The following NCOA7 variants were observed in gnomAD, a reference collection of about 807,000 sequenced individuals.
NCOA7 encodes nuclear receptor coactivator 7.
NCOA7 carries 45 observed loss-of-function variants against 104.3 expected under a neutral mutation model. The ratio of observed to expected loss-of-function variants is 0.43; its 90% CI spans 0.34 to 0.55. The LOEUF is 0.55. Ranked by LOEUF, NCOA7 falls within the 20% of genes least tolerant of loss-of-function variation. NCOA7 has a pLI of 0.02. For synonymous variants in NCOA7, 398 were observed against 402.3 expected, an observed-to-expected ratio of 0.99 and a Z score of 0.13; for missense variants, 1,041 against 1,119.7, an observed-to-expected ratio of 0.93 and a Z score of 1.00.
At chr6:125,829,154 G>A (rs1445266015) in intron 2 of NCOA7, among the ~76,000 whole-genome samples, 1 of 151,754 alleles carries the variant, frequency 6.6e-6, no homozygotes, top group Non-Finnish European at 1.5e-5. Context: ...TTAAAGTTTA[G>A]ACATTTTTCC....
chr6:125,782,933 G>A (rs1209462330), intron 1 of NCOA7, among the ~76,000 whole-genome samples: 1 of 152,152 alleles, frequency 6.6e-6, no homozygotes, highest in East Asian at 1.9e-4. Flanking sequence ...GTCATCACAA[G>A]CGTTCTTATG....
chr6:125,917,294 A>G (rs747106339), intron 11 of NCOA7, among the ~76,000 whole-genome samples: 7 of 152,112 alleles, frequency 4.6e-5, no homozygotes, highest in Non-Finnish European at 8.8e-5. Flanking sequence ...TCGTGGCATC[A>G]GGGCTCTTCT....
intron 2 of NCOA7, among the ~76,000 whole-genome samples, chr6:125,825,982 A>G (rs1778624628): frequency 6.6e-6 from 1 of 152,222 alleles, no homozygotes; most frequent in Non-Finnish European, 1.5e-5. Flanking sequence ...AAATATAAAA[A>G]TTAGTTGTAA....
intron 2 of NCOA7, among the ~76,000 whole-genome samples, chr6:125,851,312 A>G (rs1781109956): frequency 6.6e-6 from 1 of 152,172 alleles, no homozygotes; most frequent in African/African-American, 2.4e-5. Flanking sequence ...TTGCATCCTC[A>G]TAGCTTAGCT....
chr6:125,930,779 A>G lies in NCOA7; in HGVS notation c.*2008A>G, dbSNP rs1788421745. On this transcript the variant is annotated 3_prime_UTR_variant, in exon 16 of 16. Coordinates refer to ENST00000392477, the MANE Select transcript of NCOA7 (RefSeq NM_181782.5). ...ACTGAGGACTCTTGACTAACAGCAT[A>G]CTGGCAGTTTCACCTTAACCTGCTC... is the stretch of plus-strand genomic sequence containing the variant. 1 of 152,310 alleles carries G rather than the reference A, an allele frequency of 6.6e-6. No individual in the cohort carries two copies. The highest frequency in any genetic ancestry group is 6.5e-5 in the Admixed American group (1 of 15,280). 9.4% of individuals were successfully genotyped at this position (152,310 alleles called of 1,614,324 possible).
At chr6:125,860,977 A>G (rs914629286) in intron 3 of NCOA7, among the ~76,000 whole-genome samples, 4 of 152,244 alleles carry the variant, frequency 2.6e-5, no homozygotes, top group African/African-American at 9.6e-5. Context: ...TATAACAAAC[A>G]TAAAAGACTT....
chr6:125,910,097 G>A (rs1200455431), intron 10 of NCOA7, among the ~76,000 whole-genome samples: 3 of 152,178 alleles, frequency 2.0e-5, no homozygotes, highest in African/African-American at 7.2e-5. Flanking sequence ...TGATTACAAA[G>A]TTGTCTTGTT....
At position 125,900,005 on chromosome 6, in the gene NCOA7, GCA is replaced by G. The variant is rs761749327; in HGVS notation, c.2096+9200_2096+9201del. On this transcript the variant is annotated intron_variant, in intron 10 of 15. Coordinates refer to ENST00000392477, the MANE Select transcript of NCOA7 (RefSeq NM_181782.5). The stretch of plus-strand genomic sequence containing the variant: ...AGACTAATCCCTGCCAATGGGTGCT[GCA>G]CACAGTGTTTGGGAGTAAGTATGCA... 4 of 533,178 alleles carry G rather than the reference GCA, an allele frequency of 7.5e-6. No homozygotes were observed. The East Asian group carries it at 2.2e-4, about 29-fold the overall frequency. 33.0% of individuals were successfully genotyped at this position (533,178 alleles called of 1,614,324 possible).
intron 3 of NCOA7, among the ~76,000 whole-genome samples, chr6:125,867,185 G>T (rs1782506131): frequency 6.6e-6 from 1 of 152,184 alleles, no homozygotes; most frequent in Non-Finnish European, 1.5e-5. Flanking sequence ...TAAAAATTAT[G>T]ATATCTGGCC....
At chr6:125,803,553 A>C (rs1412809359) in intron 1 of NCOA7, among the ~76,000 whole-genome samples, 3 of 152,238 alleles carry the variant, frequency 2.0e-5, no homozygotes, top group Non-Finnish European at 4.4e-5. Context: ...ATATGCTGAA[A>C]GCACATTAAA....
chr6:125,860,540 G>T (rs1781957575), intron 3 of NCOA7, among the ~76,000 whole-genome samples: 1 of 152,146 alleles, frequency 6.6e-6, no homozygotes, highest in Non-Finnish European at 1.5e-5. Context: ...TAGAGACGGG[G>T]TTTCACCACG....
intron 8 of NCOA7, among the ~76,000 whole-genome samples, chr6:125,885,814 G>T (rs746519940): frequency 6.6e-6 from 1 of 152,198 alleles, no homozygotes; most frequent in Non-Finnish European, 1.5e-5. Flanking sequence ...TGGGTCTACA[G>T]TGTAGTGGTA....
intron 2 of NCOA7, among the ~76,000 whole-genome samples, chr6:125,837,772 G>A (rs181770768): frequency 1.3e-5 from 2 of 152,298 alleles, no homozygotes. Flanking sequence ...TCATCCATAT[G>A]CTATTATATT....
chr6:125,818,506 AAC>A (rs1160686473), intron 2 of NCOA7, among the ~76,000 whole-genome samples: 1 of 152,212 alleles, frequency 6.6e-6, no homozygotes, highest in Non-Finnish European at 1.5e-5. Flanking sequence ...ACAGTAAGAC[AAC>A]ATGATTTGTA....
At chr6:125,909,384 G>A (rs2128681536) in intron 10 of NCOA7, among the ~76,000 whole-genome samples, 1 of 152,312 alleles carries the variant, frequency 6.6e-6, no homozygotes, top group Middle Eastern at 3.4e-3. Context: ...CACACAGTGG[G>A]TGCCCAGGAA....
At chr6:125,837,847 G>A (rs1219551842) in intron 2 of NCOA7, among the ~76,000 whole-genome samples, 7 of 152,164 alleles carry the variant, frequency 4.6e-5, no homozygotes. Context: ...GTCCAGACCA[G>A]GGAACATATA....
At chr6:125,837,911 T>G (rs1055710483) in intron 2 of NCOA7, among the ~76,000 whole-genome samples, 5 of 152,238 alleles carry the variant, frequency 3.3e-5, no homozygotes, top group African/African-American at 1.2e-4. Context: ...GTTGTATGAC[T>G]GATGCAGAAC....
At chr6:125,899,890 G>T (rs1785345902) in intron 10 of NCOA7, 3 of 483,318 alleles carry the variant, frequency 6.2e-6, no homozygotes, top group South Asian at 3.0e-5. Flanking sequence ...AATCTTCTTT[G>T]TAAGTGAGCT....
At position 125,922,929 on chromosome 6, in the gene NCOA7, A is replaced by T. The variant is rs1787715069; in HGVS notation, c.2523+95A>T. Reference sequence around the variant, plus strand: ...AGTACCATATACTTCCATCACCCAGATTCCACAGTTAACAGGATTTTGCCT... The same window carrying T: ...AGTACCATATACTTCCATCACCCAGTTTCCACAGTTAACAGGATTTTGCCT... On this transcript the variant is annotated intron_variant, in intron 13 of 15. Transcript: ENST00000392477. The T allele has an allele frequency of 7.0e-6, 8 of 1,145,820 alleles. No homozygotes were observed. In the Admixed American group the frequency reaches 9.2e-5, roughly 13 times the overall value. 71.0% of individuals were successfully genotyped at this position (1,145,820 alleles called of 1,614,324 possible).
Sources: gnomAD v4.1 joint callset for allele counts (sites outside exome capture counted in the v4.1 genomes callset) on GRCh38, gnomAD v4.1.1 for gene constraint, MANE v1.5 for transcripts, NCBI Gene and HGNC (gene_info 2026-07-23, HGNC 2026-07-21) for gene names.